The following NOL4 variants were observed in gnomAD, a reference collection of about 807,000 sequenced individuals.
The protein encoded by NOL4 is cancer/testis antigen 125.
In NOL4, 17 loss-of-function variants were observed where a neutral mutation model predicts 75.9. The observed-to-expected ratio is 0.22, with a 90% CI of 0.15 to 0.34. The LOEUF (loss-of-function observed/expected upper bound fraction) is 0.34, where lower values mean the gene tolerates loss of function less well. NOL4 is among the 10% of genes least tolerant of loss of function. NOL4 has a pLI of 1.00. For missense variants in NOL4, 614 were observed against 793.5 expected (o/e 0.77, Z 2.72); for synonymous variants, 292 against 289.9 (o/e 1.01, Z -0.07).
chr18:34,118,846 G>T (rs1454527050), intron 2 of NOL4, among the ~76,000 whole-genome samples: 1 of 152,186 alleles, frequency 6.6e-6, no homozygotes, highest in Non-Finnish European at 1.5e-5. Context: ...TACTACTGCA[G>T]AGGAAATAAT....
At chr18:33,951,619 T>C (rs977525336) in intron 8 of NOL4, among the ~76,000 whole-genome samples, 1 of 152,288 alleles carries the variant, frequency 6.6e-6, no homozygotes, top group East Asian at 1.9e-4. Flanking sequence ...CATTCTCTTA[T>C]CCATCTTCAT....
chr18:34,053,370 A>G (rs1057294531), intron 5 of NOL4, among the ~76,000 whole-genome samples: 9 of 152,042 alleles, frequency 5.9e-5, no homozygotes, highest in Admixed American at 5.9e-4. Context: ...GCCAAGGACC[A>G]TTAGGGAGGA....
chr18:34,184,181 G>A (rs886798072), intron 1 of NOL4, among the ~76,000 whole-genome samples: 24 of 151,628 alleles, frequency 1.6e-4, no homozygotes, highest in Non-Finnish European at 8.8e-5. Flanking sequence ...CAAAGCTTCA[G>A]CCGAATTGAA....
chr18:34,202,333 T>C (rs1243447251), intron 1 of NOL4, among the ~76,000 whole-genome samples: 1 of 151,956 alleles, frequency 6.6e-6, no homozygotes, highest in Non-Finnish European at 1.5e-5. Context: ...AATTGTTAAG[T>C]AATAAATTGC....
At chr18:33,860,745 A>G (rs1452032381) in intron 10 of NOL4, among the ~76,000 whole-genome samples, 1 of 151,966 alleles carries the variant, frequency 6.6e-6, no homozygotes, top group Non-Finnish European at 1.5e-5. Context: ...GTTTTTGCCC[A>G]TTCAGTATGA....
At chr18:34,011,242 A>C (rs1249239238) in intron 6 of NOL4, among the ~76,000 whole-genome samples, 2 of 151,738 alleles carry the variant, frequency 1.3e-5, no homozygotes, top group Non-Finnish European at 3.0e-5. Flanking sequence ...AATAATTAAA[A>C]GTTTTAAATA....
chr18:34,158,171 G>A (rs1257089024), intron 1 of NOL4, among the ~76,000 whole-genome samples: 2 of 152,122 alleles, frequency 1.3e-5, no homozygotes, highest in African/African-American at 4.8e-5. Flanking sequence ...GAGAATGAAA[G>A]CTTTACCATA....
At chr18:33,917,147 A>AGC (rs2066768620) in intron 9 of NOL4, among the ~76,000 whole-genome samples, 1 of 152,164 alleles carries the variant, frequency 6.6e-6, no homozygotes, top group African/African-American at 2.4e-5. Context: ...ATGCAAATGA[A>AGC]CTATAACTTT....
At chr18:33,889,655 C>T (rs1179543709) in intron 9 of NOL4, among the ~76,000 whole-genome samples, 9 of 151,976 alleles carry the variant, frequency 5.9e-5, no homozygotes, top group South Asian at 2.1e-4. Flanking sequence ...ACTGGCAAAC[C>T]GAATCCAACA....
chr18:33,908,044 GT>G (rs199746187), intron 9 of NOL4, among the ~76,000 whole-genome samples: 2,128 of 152,178 alleles, frequency 0.014, 49 homozygotes, highest in African/African-American at 0.048. Context: ...TACAATTTAT[GT>G]TAAAATTATG....
chr18:34,047,776 A>G (rs1035327615), intron 5 of NOL4, among the ~76,000 whole-genome samples: 4 of 152,108 alleles, frequency 2.6e-5, no homozygotes, highest in African/African-American at 7.2e-5. Context: ...GAAAATGAAC[A>G]AACCCACATA....
chr18:33,969,331 G>GA (rs2070861516), intron 6 of NOL4, among the ~76,000 whole-genome samples: 1 of 151,858 alleles, frequency 6.6e-6, no homozygotes, highest in Non-Finnish European at 1.5e-5. Context: ...CATTATCAGA[G>GA]AAATATTCTT....
At chr18:34,120,874 T>G (rs747118669) in intron 2 of NOL4, among the ~76,000 whole-genome samples, 1 of 152,196 alleles carries the variant, frequency 6.6e-6, no homozygotes, top group Non-Finnish European at 1.5e-5. Context: ...AATTTGGTAC[T>G]ATATCAGTAT....
rs549412641 is a variant in NOL4 at position 34,054,592 on chromosome 18, C to A, written c.773-34991G>T. The stretch of plus-strand genomic sequence containing the variant: ...TTTGTGACTCTCAGCCTATGTGTAT[C>A]CTTAACATCTAATGTTAGTCTAGTA... On this transcript the variant is annotated intron_variant, in intron 5 of 10. Coordinates refer to ENST00000261592, the MANE Select transcript of NOL4 (RefSeq NM_003787.5). Among the ~76,000 whole-genome samples the A allele has an allele frequency of 3.9e-5, 6 of 151,902 alleles. No homozygotes were observed. In the South Asian group the frequency reaches 6.2e-4, roughly 16 times the overall value.
chr18:33,962,665 G>A (rs1355010180), intron 6 of NOL4, among the ~76,000 whole-genome samples: 1 of 151,956 alleles, frequency 6.6e-6, no homozygotes. Flanking sequence ...TTAACAAGGT[G>A]GAATTAGCTA....
At chr18:34,074,103 GAAAA>G (rs2077639797) in intron 5 of NOL4, among the ~76,000 whole-genome samples, 1 of 151,502 alleles carries the variant, frequency 6.6e-6, no homozygotes, top group Non-Finnish European at 1.5e-5. Flanking sequence ...TGTAGAATAA[GAAAA>G]AAGGAGAATA....
intron 5 of NOL4, among the ~76,000 whole-genome samples, chr18:34,063,982 A>T (rs2077166504): frequency 6.6e-6 from 1 of 152,050 alleles, no homozygotes; most frequent in Non-Finnish European, 1.5e-5. Flanking sequence ...TTGGAAGCTG[A>T]CATTTATTTT....
At chr18:33,891,795 T>C (rs1476343865) in intron 9 of NOL4, among the ~76,000 whole-genome samples, 1 of 152,168 alleles carries the variant, frequency 6.6e-6, no homozygotes, top group Non-Finnish European at 1.5e-5. Context: ...TTCCCTTCTT[T>C]CATTATTAAC....
At chr18:34,217,386 G>A (rs1293841240) in intron 1 of NOL4, among the ~76,000 whole-genome samples, 1 of 151,826 alleles carries the variant, frequency 6.6e-6, no homozygotes, top group Non-Finnish European at 1.5e-5. Flanking sequence ...CCGGGTTCAA[G>A]CAATTCTCCT....
Sources: allele counts gnomAD v4.1 joint callset (sites outside exome capture counted in the v4.1 genomes callset), GRCh38; gene constraint gnomAD v4.1.1; transcripts MANE v1.5; gene names NCBI Gene and HGNC (gene_info 2026-07-23, HGNC 2026-07-21).